The following POLD3 variants were observed in gnomAD, a reference collection of about 807,000 sequenced individuals.
POLD3 encodes the protein DNA polymerase delta subunit 3.
POLD3 carries 19 observed loss-of-function variants against 58.2 expected under a neutral mutation model. That is an observed-to-expected ratio of 0.33 (90% CI 0.23 to 0.48). POLD3 has a LOEUF of 0.48. Ranked by LOEUF, POLD3 falls within the 20% of genes least tolerant of loss-of-function variation. The pLI is 0.99. For synonymous variants in POLD3, 172 were observed against 193.5 expected, an observed-to-expected ratio of 0.89 and a Z score of 0.92; for missense variants, 504 against 545.5, an observed-to-expected ratio of 0.92 and a Z score of 0.76.
At chr11:74,593,653 T>C (rs939028348) in intron 1 of POLD3, among the ~76,000 whole-genome samples, 1 of 152,168 alleles carries the variant, frequency 6.6e-6, no homozygotes, top group African/African-American at 2.4e-5. Context: ...TTTGCATGGG[T>C]GCAACTTTCT....
Sources: gnomAD v4.1 joint callset for allele counts (sites outside exome capture counted in the v4.1 genomes callset) on GRCh38, gnomAD v4.1.1 for gene constraint, MANE v1.5 for transcripts, NCBI Gene and HGNC (gene_info 2026-07-23, HGNC 2026-07-21) for gene names.